RIMS1: variants seen among roughly 807,000 people sequenced by gnomAD.
The protein encoded by RIMS1 is regulating synaptic membrane exocytosis 1.
RIMS1 carries 83 observed loss-of-function variants against 214.1 expected under a neutral mutation model. The observed-to-expected ratio is 0.39, with a 90% confidence interval of 0.32 to 0.47. RIMS1 has a LOEUF of 0.47. Among genes scored for constraint, RIMS1 ranks in the 20% least tolerant of loss-of-function variants. The pLI is 0.99. For missense variants in RIMS1, 2,050 were observed against 2,161.8 expected (o/e 0.95, Z 1.03); for synonymous variants, 793 against 786.8 (o/e 1.01, Z -0.13).
chr6:72,266,451 G>A (rs767242226), intron 22 of RIMS1: 28 of 217,666 alleles, frequency 1.3e-4, no homozygotes, highest in Non-Finnish European at 2.2e-4. Flanking sequence ...AGTATTTATA[G>A]GTTTAACAAC....
intron 1 of RIMS1, among the ~76,000 whole-genome samples, chr6:71,927,644 A>C (rs1781929727): frequency 6.6e-6 from 1 of 152,094 alleles, no homozygotes. Flanking sequence ...ACCGAAGATT[A>C]TTGTTTAATT....
In RIMS1 at chr6:72,183,135, G is replaced by A. The variant is rs771053485; in HGVS notation, c.1664G>A (p.Ser555Asn). 9 of 1,591,484 alleles carry A rather than the reference G, an allele frequency of 5.7e-6. No individual in the cohort carries two copies. The South Asian group carries it at 1.0e-4, about 18-fold the overall frequency. ...SCEDVELESE[S>N]VSEKGDLDYY... ...GAGGACGTGGAGCTGGAGAGCGAGAGCGTCAGCGAGAAAGGTAAGGGGGCG... is the reference window on the plus strand; with the variant it reads ...GAGGACGTGGAGCTGGAGAGCGAGAACGTCAGCGAGAAAGGTAAGGGGGCG... The change falls in exon 6 of 34, where the codon AGC becomes AAC. Residue 555 changes from serine to asparagine, a missense_variant. Physicochemically the swap from Ser to Asn is conservative, Grantham distance 46. This residue lies in a region of RIMS1 where 882 missense variants were observed against 828.9 expected (regional missense o/e 1.06). Transcript: ENST00000521978.
At chr6:72,148,791 A>C (rs1285257166) in intron 4 of RIMS1, among the ~76,000 whole-genome samples, 1 of 151,898 alleles carries the variant, frequency 6.6e-6, no homozygotes, top group Non-Finnish European at 1.5e-5. Context: ...AGTAGGGTAC[A>C]CAGACTCATT....
At chr6:72,260,594 A>G in intron 18 of RIMS1, 111 bp from the exon 19 acceptor site, 2 of 1,378,098 alleles carry the variant, frequency 1.5e-6, no homozygotes, top group South Asian at 1.2e-5. Context: ...CAAATATGCT[A>G]GTGCAGACAA....
chr6:71,919,934 A>C (rs1779518597), intron 1 of RIMS1, among the ~76,000 whole-genome samples: 1 of 152,186 alleles, frequency 6.6e-6, no homozygotes, highest in Non-Finnish European at 1.5e-5. Context: ...CACAACTCTG[A>C]CTTCAACTCC....
At chr6:72,297,044 C>T (rs1301940503) in intron 26 of RIMS1, among the ~76,000 whole-genome samples, 1 of 151,822 alleles carries the variant, frequency 6.6e-6, no homozygotes, top group Non-Finnish European at 1.5e-5. Context: ...GTTTCAATTA[C>T]ATATTTGATC....
chr6:71,916,461 T>C (rs555193728), intron 1 of RIMS1, among the ~76,000 whole-genome samples: 1 of 152,168 alleles, frequency 6.6e-6, no homozygotes, highest in Admixed American at 6.6e-5. Context: ...CTTCTAAAAA[T>C]GTACTGCCTG....
At chr6:72,118,186 C>T (rs530729898) in intron 4 of RIMS1, among the ~76,000 whole-genome samples, 11 of 150,962 alleles carry the variant, frequency 7.3e-5, no homozygotes, top group Non-Finnish European at 1.3e-4. Context: ...GAGATGGATA[C>T]ATTCCTGGAA....
intron 6 of RIMS1, chr6:72,213,006 C>CAG: frequency 4.0e-6 from 6 of 1,483,834 alleles, no homozygotes; most frequent in Non-Finnish European, 5.4e-6. Flanking sequence ...ATGATATAAG[C>CAG]AGAGTGATGA....
intron 2 of RIMS1, among the ~76,000 whole-genome samples, chr6:72,083,636 C>T (rs1833951263): frequency 6.6e-6 from 1 of 152,150 alleles, no homozygotes; most frequent in Non-Finnish European, 1.5e-5. Flanking sequence ...AAGCGAAGTA[C>T]TCTGTTTCCC....
intron 1 of RIMS1, among the ~76,000 whole-genome samples, chr6:71,933,688 A>ACACG (rs1783736050): frequency 6.7e-6 from 1 of 148,912 alleles, no homozygotes; most frequent in African/African-American, 2.5e-5. Context: ...TCAATCACAC[A>ACACG]CACACACACA....
intron 1 of RIMS1, among the ~76,000 whole-genome samples, chr6:71,943,938 A>G (rs1014612616): frequency 1.3e-5 from 2 of 152,196 alleles, no homozygotes; most frequent in Admixed American, 1.3e-4. Context: ...TATTCAACAG[A>G]TACAAATTGT....
chr6:72,031,360 C>T (rs1243205909), intron 2 of RIMS1, among the ~76,000 whole-genome samples: 1 of 152,136 alleles, frequency 6.6e-6, no homozygotes, highest in Non-Finnish European at 1.5e-5. Flanking sequence ...CTACCCCATT[C>T]TTTATATCTC....
chr6:72,295,191 A>T (rs768875161), intron 26 of RIMS1, among the ~76,000 whole-genome samples: 22 of 151,778 alleles, frequency 1.4e-4, no homozygotes, highest in African/African-American at 4.8e-4. Flanking sequence ...TAAAACTCCA[A>T]TGATATTCCT....
At chr6:72,131,461 T>C (rs1036747259) in intron 4 of RIMS1, among the ~76,000 whole-genome samples, 4 of 152,136 alleles carry the variant, frequency 2.6e-5, no homozygotes, top group Non-Finnish European at 4.4e-5. Flanking sequence ...AGACATCACA[T>C]GTCGGTATGT....
intron 1 of RIMS1, among the ~76,000 whole-genome samples, chr6:71,947,100 C>T (rs778943886): frequency 1.3e-5 from 2 of 152,054 alleles, no homozygotes; most frequent in African/African-American, 2.4e-5. Context: ...TATCACTTTA[C>T]ACCGTTAAAA....
At chr6:72,015,727 C>T (rs1382612171) in intron 2 of RIMS1, among the ~76,000 whole-genome samples, 1 of 152,028 alleles carries the variant, frequency 6.6e-6, no homozygotes, top group African/African-American at 2.4e-5. Context: ...GAGATCGAGA[C>T]CATCCTGGCT....
chr6:72,020,497 A>G (rs897031092), intron 2 of RIMS1, among the ~76,000 whole-genome samples: 1 of 152,168 alleles, frequency 6.6e-6, no homozygotes, highest in African/African-American at 2.4e-5. Context: ...TTCTTATGCC[A>G]AAGTCCTTTA....
At position 71,938,689 on chromosome 6, in the gene RIMS1, G is replaced by C. The variant is rs528481851; in HGVS notation, c.165-30294G>C. On this transcript the variant is annotated intron_variant, in intron 1 of 33. Coordinates refer to ENST00000521978, the MANE Select transcript of RIMS1 (RefSeq NM_014989.7). Reference sequence around the variant, plus strand: ...GGTGGGTACGCTGGGCCCACCCCCTGAAACATTCCTGCCTTCCTACAGCTC... The same window carrying C: ...GGTGGGTACGCTGGGCCCACCCCCTCAAACATTCCTGCCTTCCTACAGCTC... 4.6e-5 allele frequency among the ~76,000 whole-genome samples: 7 copies of C among 152,258 alleles called. No homozygotes were observed. In the South Asian group the frequency reaches 1.2e-3, roughly 27 times the overall value.
Sources: allele counts gnomAD v4.1 joint callset (sites outside exome capture counted in the v4.1 genomes callset), GRCh38; gene constraint gnomAD v4.1.1; regional missense constraint gnomAD v4.1.1; transcripts MANE v1.5; gene names NCBI Gene and HGNC (gene_info 2026-07-23, HGNC 2026-07-21).